The following POLR3A variants were observed in gnomAD, a reference collection of about 807,000 sequenced individuals.
The protein encoded by POLR3A is DNA-directed RNA polymerase III subunit RPC1.
A neutral mutation model predicts 152.8 loss-of-function variants in POLR3A; 112 were observed. That is an observed-to-expected ratio of 0.73 (90% CI 0.63 to 0.86). The LOEUF (loss-of-function observed/expected upper bound fraction) is 0.86, where lower values mean the gene tolerates loss of function less well. POLR3A is among the 40% of genes least tolerant of loss of function. POLR3A has a pLI of 0.00. For missense variants in POLR3A, 1,385 were observed against 1,743.1 expected (o/e 0.79, Z 3.66); for synonymous variants, 615 against 652.1 (o/e 0.94, Z 0.87).
In POLR3A at chr10:78,026,998, G is replaced by A. The variant is rs1228933563; in HGVS notation, c.45-769C>T. Among the ~76,000 whole-genome samples, 4 of 152,182 alleles carry A rather than the reference G, an allele frequency of 2.6e-5. No homozygotes were observed. In the South Asian group the frequency reaches 8.3e-4, roughly 31 times the overall value. On this transcript the variant is annotated intron_variant, in intron 1 of 30. Transcript: ENST00000372371. ...CAGGCTGAGGATACAGATTAGCTAA[G>A]ACAGACAAGGTCCTTGCCAACAAAG...
At chr10:78,024,868 AAGG>A (rs1267235631) in intron 4 of POLR3A, 100 bp downstream of exon 4, 2 of 1,475,702 alleles carry the variant, frequency 1.4e-6, no homozygotes, top group Non-Finnish European at 1.9e-6. Flanking sequence ...CCTAATTTAT[AAGG>A]AGAAAAGCTG....
intron 13 of POLR3A, 93 bp from the exon 14 acceptor site, chr10:78,009,768 C>G: frequency 5.6e-6 from 9 of 1,610,402 alleles, no homozygotes; most frequent in South Asian, 1.1e-5. Flanking sequence ...GGACTGCACT[C>G]AAGCCTAGCA....
At chr10:78,009,273 G>C (rs1308775147) in intron 14 of POLR3A, among the ~76,000 whole-genome samples, 1 of 150,506 alleles carries the variant, frequency 6.6e-6, no homozygotes, top group African/African-American at 2.5e-5. Context: ...AGAAAAACTA[G>C]TCACTTAAGA....
At chr10:78,024,757 C>T in intron 4 of POLR3A, 54 bp from the exon 5 acceptor site, 3 of 1,516,166 alleles carry the variant, frequency 2.0e-6, no homozygotes, top group South Asian at 1.1e-5. Flanking sequence ...CTCAGATTGG[C>T]CAGAGATTGT....
rs192606720 is a variant in POLR3A at position 78,013,614 on chromosome 10, T to C, written c.1572+36A>G. 1.9e-4 allele frequency: 307 copies of C among 1,610,892 alleles called. No homozygotes were observed. In the African/African-American group the frequency reaches 3.7e-3, roughly 20 times the overall value. On this transcript the variant is annotated intron_variant, in intron 11 of 30. Transcript: ENST00000372371. ...TTTCCTTTGCCTCCTTTCAAGGAGC[T>C]GTTATGCAAAAGCTGGGCTGTGCCA...
intron 1 of POLR3A, among the ~76,000 whole-genome samples, chr10:78,028,867 A>C (rs1045140495): frequency 1.3e-5 from 2 of 151,972 alleles, no homozygotes; most frequent in South Asian, 2.1e-4. Flanking sequence ...TTCTGAAGGC[A>C]AAAGTCCGGA....
chr10:78,001,182 A>T (rs1192731593), intron 17 of POLR3A, 88 bp from the exon 18 acceptor site: 1 of 726,694 alleles, frequency 1.4e-6, no homozygotes, highest in Non-Finnish European at 2.5e-6. Flanking sequence ...AAACAGGAAT[A>T]GGCCCTTATG....
Position 78,002,184 on chromosome 10 carries a change from G to A in POLR3A, c.2359+13C>T. The A allele has an allele frequency of 2.0e-6, 3 of 1,534,392 alleles. No individual in the cohort carries two copies. Among genetic ancestry groups the A allele is most frequent in the African/African-American group, 1.4e-5 (1 of 73,762 alleles). ...GAACACACTGCCAGCAGGTGAGAGAGGGGCATGCAGACCTTTGGAGCCGCA... is the reference window on the plus strand; with the variant it reads ...GAACACACTGCCAGCAGGTGAGAGAAGGGCATGCAGACCTTTGGAGCCGCA... On this transcript the variant is annotated intron_variant, in intron 17 of 30. Coordinates refer to ENST00000372371, the MANE Select transcript of POLR3A (RefSeq NM_007055.4).
chr10:78,004,244 C>A (rs1847388142), intron 16 of POLR3A, among the ~76,000 whole-genome samples: 1 of 152,012 alleles, frequency 6.6e-6, no homozygotes. Context: ...AAAAGCGAGA[C>A]TCCGTCTCAA....
intron 27 of POLR3A, 86 bp from the exon 28 acceptor site, chr10:77,982,404 G>T: frequency 7.6e-7 from 1 of 1,316,952 alleles, no homozygotes; most frequent in Non-Finnish European, 1.1e-6. Flanking sequence ...TTTCAGCAGT[G>T]GTCATCTGTT....
chr10:78,024,410 G>A (rs1020499861), intron 5 of POLR3A, 139 bp downstream of exon 5: 21 of 702,478 alleles, frequency 3.0e-5, no homozygotes, highest in African/African-American at 2.5e-4. Context: ...GAGAGCTGTC[G>A]AACCTAACTG....
chr10:77,977,649 T>A (rs1417682884), intron 30 of POLR3A, 23 bp from the exon 31 acceptor site: 1 of 1,602,430 alleles, frequency 6.2e-7, no homozygotes, highest in East Asian at 2.2e-5. Context: ...AGAATGAACA[T>A]CAGAGAGCCT....
intron 16 of POLR3A, 82 bp downstream of exon 16, chr10:78,004,634 T>A: frequency 1.7e-6 from 2 of 1,146,188 alleles, no homozygotes; most frequent in Non-Finnish European, 2.6e-6. Flanking sequence ...CCTCTATTCA[T>A]GGCTCAGCAC....
rs1331579218 is a variant in POLR3A at position 77,982,830 on chromosome 10, C to T, written c.3430-13G>A. The T allele has an allele frequency of 6.2e-7, 1 of 1,612,668 alleles. No homozygotes were observed. Among genetic ancestry groups the T allele is most frequent in the African/African-American group, 1.3e-5 (1 of 74,858 alleles). On this transcript the variant is annotated splice_polypyrimidine_tract_variant and intron_variant, in intron 26 of 30. Transcript: ENST00000372371. Reference sequence around the variant, plus strand: ...TCTCAGCGTTCACCTGCAACATGGCCAGGTGTAGGTGTTACTGATTCCAGT... The same window carrying T: ...TCTCAGCGTTCACCTGCAACATGGCTAGGTGTAGGTGTTACTGATTCCAGT...
At chr10:78,007,438 C>T (rs931936146) in intron 15 of POLR3A, among the ~76,000 whole-genome samples, 1 of 152,226 alleles carries the variant, frequency 6.6e-6, no homozygotes, top group Admixed American at 6.5e-5. Context: ...GGTTTATAAT[C>T]TAACCCTGTC....
chr10:77,985,566 A>T (rs962904952), intron 23 of POLR3A, among the ~76,000 whole-genome samples: 3 of 152,272 alleles, frequency 2.0e-5, no homozygotes, highest in Non-Finnish European at 4.4e-5. Flanking sequence ...TCAATTCTGC[A>T]TGGCTGCTTG....
chr10:78,014,989 T>C (rs1247065781), intron 10 of POLR3A, among the ~76,000 whole-genome samples: 2 of 152,170 alleles, frequency 1.3e-5, no homozygotes, highest in Non-Finnish European at 2.9e-5. Flanking sequence ...AATGAATTAA[T>C]TAGAATGAAT....
rs183080885 is a variant in POLR3A at position 78,001,968 on chromosome 10, C to G, written c.2359+229G>C. Among the ~76,000 whole-genome samples, 294 of 152,082 alleles carry G rather than the reference C, an allele frequency of 1.9e-3. 2 individuals are homozygous for G. Among genetic ancestry groups the G allele is most frequent in the African/African-American group, 6.8e-3 (284 of 41,500 alleles). ...TCTGGCCTCATTTTTTTTTAAAGAC[C>G]ACGTTGCTCAAAGCACCCTCAAACT... On this transcript the variant is annotated intron_variant, in intron 17 of 30. Coordinates refer to ENST00000372371, the MANE Select transcript of POLR3A (RefSeq NM_007055.4).
intron 19 of POLR3A, among the ~76,000 whole-genome samples, chr10:77,996,717 G>A (rs1320195756): frequency 3.3e-5 from 5 of 152,008 alleles, no homozygotes; most frequent in African/African-American, 9.7e-5. Context: ...ATTCACAGCC[G>A]AATTCTACCA....
Sources: allele counts gnomAD v4.1 joint callset (sites outside exome capture counted in the v4.1 genomes callset), GRCh38; gene constraint gnomAD v4.1.1; transcripts MANE v1.5; gene names NCBI Gene and HGNC (gene_info 2026-07-23, HGNC 2026-07-21).